Variants in EPHA5 observed in about 807,000 individuals in gnomAD.
EPHA5 encodes the protein EPH receptor A5.
Under a neutral mutation model 105.0 loss-of-function variants are expected in EPHA5, and 60 were observed. That is an observed-to-expected ratio of 0.57 (90% CI 0.46 to 0.71). The LOEUF (loss-of-function observed/expected upper bound fraction) is 0.71, where lower values mean the gene tolerates loss of function less well. Ranked by LOEUF, EPHA5 falls within the 30% of genes least tolerant of loss-of-function variation. The pLI, the probability that EPHA5 is intolerant of heterozygous loss-of-function variation, is 0.00. For synonymous variants in EPHA5, 513 were observed against 449.1 expected, an observed-to-expected ratio of 1.14 and a Z score of -1.80; for missense variants, 1,218 against 1,274.7, an observed-to-expected ratio of 0.96 and a Z score of 0.68.
intron 2 of EPHA5, among the ~76,000 whole-genome samples, chr4:65,634,895 A>G (rs1017228664): frequency 6.6e-6 from 1 of 152,064 alleles, no homozygotes; most frequent in African/African-American, 2.4e-5. Flanking sequence ...ATCCTCAACA[A>G]AATACGAGAT....
intron 5 of EPHA5, among the ~76,000 whole-genome samples, chr4:65,481,972 A>G (rs1267479528): frequency 1.3e-5 from 2 of 152,196 alleles, no homozygotes; most frequent in African/African-American, 4.8e-5. Context: ...ACCTACTGAA[A>G]TATGAAAGTT....
At position 65,576,051 on chromosome 4, in the gene EPHA5, AAAG is replaced by A. The variant is rs1422259029; in HGVS notation, c.910+25587_910+25589del. ...GAAAGAAAGAAAGAAAGAAAGAAAG[AAAG>A]AAAGAAAAGAAAAGAAAAGAAAAGA... On this transcript the variant is annotated intron_variant, in intron 3 of 16. Coordinates refer to ENST00000613740, the MANE Select transcript of EPHA5 (RefSeq NM_001281766.3). Among the ~76,000 whole-genome samples the A allele has an allele frequency of 1.5e-3, 146 of 94,338 alleles. 1 individual carries two copies. Among genetic ancestry groups the A allele is most frequent in the Admixed American group, 9.7e-3 (73 of 7,512 alleles). 61.9% of individuals were successfully genotyped at this position (94,338 alleles called of 152,430 possible).
At chr4:65,358,932 C>T (rs145020914) in intron 11 of EPHA5, among the ~76,000 whole-genome samples, 106 of 151,630 alleles carry the variant, frequency 7.0e-4, no homozygotes, top group Non-Finnish European at 1.3e-3. Flanking sequence ...TAAAAACAAA[C>T]TAGAATTGCT....
intron 5 of EPHA5, among the ~76,000 whole-genome samples, chr4:65,451,034 A>G (rs1298698458): frequency 1.3e-5 from 2 of 152,110 alleles, no homozygotes; most frequent in Non-Finnish European, 2.9e-5. Context: ...TTATTCTTCA[A>G]TACAGACCTT....
chr4:65,523,821 C>T (rs776480955), intron 3 of EPHA5, among the ~76,000 whole-genome samples: 3 of 151,846 alleles, frequency 2.0e-5, no homozygotes, highest in Non-Finnish European at 2.9e-5. Flanking sequence ...CCTAAAGGCA[C>T]GGTTTCAGGT....
chr4:65,336,762 C>T lies in EPHA5; in HGVS notation c.2596-637G>A, dbSNP rs527582945. On this transcript the variant is annotated intron_variant, in intron 14 of 16. Transcript: ENST00000613740. ...ATCCTTGATTTTAAATGTAACCACA[C>T]ATATGAGTATCAGCCTAATTGTGAG... Among the ~76,000 whole-genome samples, 4 of 152,172 alleles carry T rather than the reference C, an allele frequency of 2.6e-5. No homozygotes were observed. In the South Asian group the frequency reaches 8.3e-4, roughly 32 times the overall value.
chr4:65,415,177 T>C (rs565772528), intron 6 of EPHA5, among the ~76,000 whole-genome samples: 2 of 152,252 alleles, frequency 1.3e-5, no homozygotes, highest in East Asian at 3.9e-4. Context: ...TAGCTCCTTA[T>C]TATCTCTGTG....
intron 1 of EPHA5, 58 bp from the exon 2 acceptor site, chr4:65,643,485 T>G (rs1428789548): frequency 3.7e-6 from 5 of 1,362,322 alleles, no homozygotes; most frequent in Non-Finnish European, 5.2e-6. Flanking sequence ...ATATTGTATC[T>G]CTATTTTAAT....
intron 6 of EPHA5, among the ~76,000 whole-genome samples, chr4:65,418,661 T>C (rs1056581292): frequency 6.6e-6 from 1 of 152,110 alleles, no homozygotes; most frequent in Non-Finnish European, 1.5e-5. Flanking sequence ...ATTTATCTAC[T>C]AGTAAAATCA....
chr4:65,362,886 T>C (rs1560454444), intron 11 of EPHA5, among the ~76,000 whole-genome samples: 8 of 151,634 alleles, frequency 5.3e-5, no homozygotes, highest in Admixed American at 4.0e-4. Flanking sequence ...AGCTGAAAAA[T>C]ATAAGCAAAA....
At chr4:65,533,672 C>T (rs376478353) in intron 3 of EPHA5, among the ~76,000 whole-genome samples, 3 of 152,134 alleles carry the variant, frequency 2.0e-5, no homozygotes, top group Middle Eastern at 3.2e-3. Flanking sequence ...CAGTGGCTCA[C>T]GCCTGTAATC....
Position 65,331,951 on chromosome 4 carries a change from AAT to A in EPHA5, c.2945+20_2945+21del. ...TTTCTTGCCCCAGCAATTATGTAAA[AAT>A]TATCAGAAAAATTACTCACTCCAAG... On this transcript the variant is annotated intron_variant, in intron 16 of 16. Coordinates refer to ENST00000613740, the MANE Select transcript of EPHA5 (RefSeq NM_001281766.3). 1 of 1,573,142 alleles carries A rather than the reference AAT, an allele frequency of 6.4e-7. No individual in the cohort carries two copies. The highest frequency in any genetic ancestry group is 8.6e-7 in the Non-Finnish European group (1 of 1,159,958).
intron 12 of EPHA5, 131 bp from the exon 13 acceptor site, chr4:65,351,729 A>G: frequency 1.3e-6 from 1 of 754,008 alleles, no homozygotes; most frequent in South Asian, 1.8e-5. Flanking sequence ...TATCTGAAGG[A>G]GATTGGAAAA....
chr4:65,620,695 A>T (rs1419328070), intron 2 of EPHA5, among the ~76,000 whole-genome samples: 1 of 152,190 alleles, frequency 6.6e-6, no homozygotes, highest in Admixed American at 6.6e-5. Flanking sequence ...ATTGTTGTGA[A>T]ATAAAGGCAG....
chr4:65,431,553 C>T (rs112235972), intron 5 of EPHA5, among the ~76,000 whole-genome samples: 3 of 151,968 alleles, frequency 2.0e-5, no homozygotes, highest in African/African-American at 7.2e-5. Flanking sequence ...GTCTTCCCAC[C>T]GAAGAAAAAG....
chr4:65,630,875 T>C (rs568387900), intron 2 of EPHA5, among the ~76,000 whole-genome samples: 6 of 152,182 alleles, frequency 3.9e-5, no homozygotes, highest in Non-Finnish European at 8.8e-5. Flanking sequence ...GCTTTATTTG[T>C]ATGGATAACT....
chr4:65,522,316 G>GTGTGTGTATA (rs777066757), intron 3 of EPHA5, among the ~76,000 whole-genome samples: 1 of 142,860 alleles, frequency 7.0e-6, no homozygotes, highest in African/African-American at 2.7e-5. Context: ...ATATATATAT[G>GTGTGTGTATA]TATATATATA....
At chr4:65,452,490 A>G (rs1443770475) in intron 5 of EPHA5, among the ~76,000 whole-genome samples, 2 of 152,038 alleles carry the variant, frequency 1.3e-5, no homozygotes, top group Non-Finnish European at 2.9e-5. Context: ...AGCGAAGGAC[A>G]GAGAAGGGTA....
intron 1 of EPHA5, among the ~76,000 whole-genome samples, chr4:65,654,027 T>G (rs1748844600): frequency 1.3e-5 from 2 of 152,030 alleles, no homozygotes; most frequent in Non-Finnish European, 2.9e-5. Flanking sequence ...CTGGGAAAGT[T>G]TTGTTGTTTA....
Sources: allele counts gnomAD v4.1 joint callset (sites outside exome capture counted in the v4.1 genomes callset), GRCh38; gene constraint gnomAD v4.1.1; transcripts MANE v1.5; gene names NCBI Gene and HGNC (gene_info 2026-07-23, HGNC 2026-07-21).